The following RIMS2 variants were observed in gnomAD, a reference collection of about 807,000 sequenced individuals.
RIMS2 encodes regulating synaptic membrane exocytosis protein 2.
RIMS2 carries 59 observed loss-of-function variants against 174.4 expected under a neutral mutation model. That is an observed-to-expected ratio of 0.34 (90% confidence interval 0.27 to 0.42). RIMS2 has a LOEUF of 0.42. Among genes scored for constraint, RIMS2 ranks in the 10% least tolerant of loss-of-function variants. The probability of loss-of-function intolerance (pLI) is 1.00; values close to 1 mark genes in which losing one functional copy is unlikely to be tolerated. For missense variants in RIMS2, 1,620 were observed against 1,666.3 expected, an observed-to-expected ratio of 0.97 and a Z score of 0.48; for synonymous variants, 606 against 572.5, an observed-to-expected ratio of 1.06 and a Z score of -0.84.
intron 3 of RIMS2, chr8:103,880,749 GT>G (rs966948867): frequency 6.8e-6 from 3 of 438,314 alleles, no homozygotes; most frequent in African/African-American, 4.1e-5. Context: ...ATATATTTTT[GT>G]TTTTTTATAA....
chr8:103,886,379 T>C (rs1024463074), intron 4 of RIMS2, among the ~76,000 whole-genome samples, 156 bp downstream of exon 7: 1 of 151,964 alleles, frequency 6.6e-6, no homozygotes, highest in Non-Finnish European at 1.5e-5. Flanking sequence ...TTTCGTGTTA[T>C]AAAAAGTATC....
intron 1 of RIMS2, among the ~76,000 whole-genome samples, chr8:103,547,631 C>G (rs561133782): frequency 6.6e-6 from 1 of 151,912 alleles, no homozygotes; most frequent in Non-Finnish European, 1.5e-5. Context: ...AACCCCAAAG[C>G]CAGTAGAAGA....
intron 20 of RIMS2, among the ~76,000 whole-genome samples, chr8:104,246,879 G>A (rs1317486403): frequency 1.3e-5 from 2 of 152,112 alleles, no homozygotes; most frequent in East Asian, 1.9e-4. Context: ...AGCTTATGTA[G>A]ACTTTATGTA....
At position 103,657,500 on chromosome 8, in the gene RIMS2, G is replaced by A. The variant is rs1589801630; in HGVS notation, c.177-39586G>A. On this transcript the variant is annotated intron_variant, in intron 1 of 23. Coordinates refer to ENST00000504942, the Ensembl canonical transcript of RIMS2. ...GATTCTTATTTACTGCAATGAGACA[G>A]AAATTTTAGGATGCCAAAAGATAAA... is the stretch of plus-strand genomic sequence containing the variant. Among the ~76,000 whole-genome samples the A allele has an allele frequency of 3.3e-5, 5 of 152,286 alleles. 1 individual carries two copies. Among genetic ancestry groups the A allele is most frequent in the Admixed American group, 3.3e-4 (5 of 15,300 alleles).
At chr8:103,636,796 C>A (rs1483232366) in intron 1 of RIMS2, among the ~76,000 whole-genome samples, 5 of 59,904 alleles carry the variant, frequency 8.3e-5, no homozygotes, top group Non-Finnish European at 2.1e-4. Flanking sequence ...GCACCCCCCC[C>A]CCCCCACACA....
At chr8:103,912,641 A>G (rs2075896222) in intron 6 of RIMS2, among the ~76,000 whole-genome samples, 1 of 152,128 alleles carries the variant, frequency 6.6e-6, no homozygotes, top group African/African-American at 2.4e-5. Context: ...GTGTATGTGC[A>G]TATGTGCACT....
At chr8:104,100,629 T>C (rs1037144769) in intron 19 of RIMS2, among the ~76,000 whole-genome samples, 5 of 151,698 alleles carry the variant, frequency 3.3e-5, no homozygotes, top group Non-Finnish European at 2.9e-5. Flanking sequence ...CATTTTAGAA[T>C]AGTCTAGGTA....
chr8:103,794,664 A>G (rs2154446329), intron 3 of RIMS2, among the ~76,000 whole-genome samples: 1 of 152,344 alleles, frequency 6.6e-6, no homozygotes, highest in South Asian at 2.1e-4. Context: ...GAATGGGAGA[A>G]AATTTTTATA....
chr8:103,502,342 C>G (rs972668290), intron 1 of RIMS2, among the ~76,000 whole-genome samples: 3 of 152,024 alleles, frequency 2.0e-5, no homozygotes, highest in Admixed American at 2.0e-4. Context: ...ATGAAAAATA[C>G]CACTTTAAAT....
At chr8:103,697,627 C>T (rs1408076296) in intron 2 of RIMS2, among the ~76,000 whole-genome samples, 3 of 151,704 alleles carry the variant, frequency 2.0e-5, no homozygotes, top group African/African-American at 7.3e-5. Context: ...ACTCAGGAGG[C>T]AGAGGTGGGA....
chr8:104,209,339 T>G (rs1361405479), intron 19 of RIMS2, among the ~76,000 whole-genome samples: 1 of 152,210 alleles, frequency 6.6e-6, no homozygotes, highest in Non-Finnish European at 1.5e-5. Flanking sequence ...TTTTAATCTC[T>G]AAGACCTGTT....
intron 1 of RIMS2, among the ~76,000 whole-genome samples, chr8:103,689,274 C>T (rs538602432): frequency 6.6e-6 from 1 of 152,066 alleles, no homozygotes; most frequent in South Asian, 2.1e-4. Context: ...TGTGGCCTAA[C>T]TTATGGTCTG....
chr8:103,722,842 C>A (rs1406157152), intron 2 of RIMS2, among the ~76,000 whole-genome samples: 1 of 152,156 alleles, frequency 6.6e-6, no homozygotes, highest in Non-Finnish European at 1.5e-5. Flanking sequence ...TGGACCAGGT[C>A]TTTTTTGTAT....
At chr8:103,834,676 T>TTTTCTTCCTTCCTTTC (rs561054687) in intron 3 of RIMS2, among the ~76,000 whole-genome samples, 2 of 120,012 alleles carry the variant, frequency 1.7e-5, no homozygotes, top group Admixed American at 1.7e-4. Flanking sequence ...TCTGAGGTCT[T>TTTTCTTCCTTCCTTTC]TTTCTTTCTT....
At chr8:103,678,789 T>C (rs926148268) in intron 1 of RIMS2, among the ~76,000 whole-genome samples, 3 of 152,098 alleles carry the variant, frequency 2.0e-5, no homozygotes, top group African/African-American at 7.2e-5. Flanking sequence ...GTCAATTCAA[T>C]TGAAATACCA....
intron 19 of RIMS2, among the ~76,000 whole-genome samples, chr8:104,038,453 G>A (rs1198813553): frequency 1.3e-5 from 2 of 151,842 alleles, no homozygotes; most frequent in Non-Finnish European, 2.9e-5. Context: ...GAAAAGTTGG[G>A]TTTGTTAGTT....
intron 1 of RIMS2, among the ~76,000 whole-genome samples, chr8:103,601,215 T>C (rs1045449168): frequency 9.9e-5 from 15 of 152,224 alleles, no homozygotes; most frequent in Non-Finnish European, 2.1e-4. Flanking sequence ...TTTAACATGA[T>C]GTGATCCCAT....
At chr8:104,178,066 G>T (rs2098916073) in intron 19 of RIMS2, among the ~76,000 whole-genome samples, 1 of 152,096 alleles carries the variant, frequency 6.6e-6, no homozygotes, top group South Asian at 2.1e-4. Context: ...CAAATGTAGA[G>T]GCTCAAAACA....
intron 3 of RIMS2, among the ~76,000 whole-genome samples, chr8:103,821,898 C>T (rs1298309440): frequency 6.6e-6 from 1 of 151,286 alleles, no homozygotes; most frequent in Non-Finnish European, 1.5e-5. Flanking sequence ...GATTTTTTTT[C>T]TGAATAATGG....
Sources: allele counts gnomAD v4.1 joint callset (sites outside exome capture counted in the v4.1 genomes callset), GRCh38; gene constraint gnomAD v4.1.1; transcripts MANE v1.5; gene names NCBI Gene and HGNC (gene_info 2026-07-23, HGNC 2026-07-21).